The following TUSC3 variants were observed in gnomAD, a reference collection of about 807,000 sequenced individuals.
TUSC3 encodes tumor suppressor candidate 3, also known as dolichyl-diphosphooligosaccharide--protein glycosyltransferase subunit TUSC3.
A neutral mutation model predicts 44.8 loss-of-function variants in TUSC3; 45 were observed. The ratio of observed to expected loss-of-function variants is 1.00; its 90% CI spans 0.79 to 1.29. TUSC3 has a LOEUF of 1.29. Ranked by LOEUF, TUSC3 falls within the 50% of genes most tolerant of loss-of-function variation. TUSC3 has a pLI of 0.00. For missense variants in TUSC3, 519 were observed against 437.9 expected, an observed-to-expected ratio of 1.19 and a Z score of -1.65; for synonymous variants, 212 against 152.9, an observed-to-expected ratio of 1.39 and a Z score of -2.85.
chr8:15,656,203 C>G (rs1035462901), intron 3 of TUSC3, among the ~76,000 whole-genome samples: 1 of 152,082 alleles, frequency 6.6e-6, no homozygotes, highest in African/African-American at 2.4e-5. Context: ...AGAATACATT[C>G]ATTTTGTCCC....
chr8:15,801,180 T>C, the TUSC3 span, among the ~76,000 whole-genome samples: 3 of 152,230 alleles, frequency 2.0e-5, no homozygotes, highest in African/African-American at 7.2e-5. Flanking sequence ...TTCTTGATTA[T>C]ATGCTAAACA....
chr8:15,589,555 G>C (rs752550604), intron 1 of TUSC3, among the ~76,000 whole-genome samples: 20 of 152,078 alleles, frequency 1.3e-4, no homozygotes, highest in Non-Finnish European at 2.6e-4. Flanking sequence ...TGTTAAATTT[G>C]CCTTGAGATA....
the TUSC3 span, among the ~76,000 whole-genome samples, chr8:15,849,442 T>C: frequency 6.6e-6 from 1 of 152,088 alleles, no homozygotes; most frequent in African/African-American, 2.4e-5. Flanking sequence ...AGCAACGAAG[T>C]TTCCACATGG....
chr8:15,593,906 T>C (rs17657921), intron 1 of TUSC3, among the ~76,000 whole-genome samples: 34,117 of 152,050 alleles, frequency 0.22, 3,981 homozygotes, highest in East Asian at 0.45. Flanking sequence ...GAGGATCTGC[T>C]ATAAGCATTA....
chr8:15,503,069 C>T (rs1800990773), intron 2 of TUSC3, among the ~76,000 whole-genome samples: 1 of 152,146 alleles, frequency 6.6e-6, no homozygotes, highest in Non-Finnish European at 1.5e-5. Context: ...CACTTTCCCG[C>T]CATTTATATG....
intron 1 of TUSC3, among the ~76,000 whole-genome samples, chr8:15,556,429 G>C (rs1802268456): frequency 6.6e-6 from 1 of 151,394 alleles, no homozygotes; most frequent in Admixed American, 6.6e-5. Flanking sequence ...TTGGTTCCAA[G>C]TCTTTGCTGT....
the TUSC3 span, among the ~76,000 whole-genome samples, chr8:15,782,083 C>A: frequency 6.6e-6 from 1 of 152,090 alleles, no homozygotes; most frequent in Non-Finnish European, 1.5e-5. Flanking sequence ...GACAGTGAGC[C>A]GAGATCGTGC....
chr8:15,726,028 A>G (rs1291731475), intron 6 of TUSC3, among the ~76,000 whole-genome samples: 1 of 152,178 alleles, frequency 6.6e-6, no homozygotes, highest in African/African-American at 2.4e-5. Context: ...CTTTTGGTCC[A>G]CCATAGCCAT....
chr8:15,448,315 C>T (rs1800138509), intron 1 of TUSC3, among the ~76,000 whole-genome samples: 1 of 151,622 alleles, frequency 6.6e-6, no homozygotes, highest in Admixed American at 6.6e-5. Flanking sequence ...GATGAGGTTT[C>T]ACCACATTGG....
Position 15,743,471 on chromosome 8 carries a change from C to G in TUSC3, c.863-67C>G, listed in dbSNP as rs548778459. 32 of 1,525,054 alleles carry G rather than the reference C, an allele frequency of 2.1e-5. No homozygotes were observed. In the East Asian group the frequency reaches 3.4e-4, roughly 16 times the overall value. The allele number at this position is 1,525,054 out of a possible 1,614,324, so 94.5% of individuals were successfully genotyped here. On this transcript the variant is annotated intron_variant, in intron 7 of 10. Transcript: ENST00000503731. ...TTTAACCATTCTGGAACATTGTGTT[C>G]AGAGCCAGAAAAATTAATAGATTTT...
chr8:15,517,522 CAAAAAAAAAAAAAAAAAAAAAAAAA>C (rs71211049), intron 2 of TUSC3, among the ~76,000 whole-genome samples: 2 of 77,554 alleles, frequency 2.6e-5, no homozygotes, highest in Non-Finnish European at 4.1e-5. Context: ...TAGCGTGAGG[CAAAAAAAAAAAAAAAAAAAAAAAAA>C]AAAAAAAAAG....
chr8:15,805,974 A>C, the TUSC3 span, among the ~76,000 whole-genome samples: 395 of 152,294 alleles, frequency 2.6e-3, 1 homozygote, highest in Non-Finnish European at 4.4e-3. Context: ...TTACAAAAAC[A>C]AAAAATCAGT....
chr8:15,850,571 TC>T, the TUSC3 span, among the ~76,000 whole-genome samples: 1 of 152,146 alleles, frequency 6.6e-6, no homozygotes, highest in Non-Finnish European at 1.5e-5. Flanking sequence ...CTCATCTCTT[TC>T]CCCTATTTGT....
At chr8:15,451,252 A>G (rs1025421347) in intron 1 of TUSC3, among the ~76,000 whole-genome samples, 1 of 152,156 alleles carries the variant, frequency 6.6e-6, no homozygotes, top group Non-Finnish European at 1.5e-5. Flanking sequence ...GTTTCCTGGC[A>G]TACAGCTCCT....
chr8:15,451,699 A>G (rs954016401), intron 1 of TUSC3, among the ~76,000 whole-genome samples: 5 of 152,144 alleles, frequency 3.3e-5, no homozygotes, highest in African/African-American at 9.7e-5. Context: ...CTTTAGGACA[A>G]AAGCACAGGT....
In TUSC3 at chr8:15,540,492, C is replaced by T; in HGVS notation, c.62C>T (p.Pro21Leu). 2 of 1,608,576 alleles carry T rather than the reference C, an allele frequency of 1.2e-6. No homozygotes were observed. The highest frequency in any genetic ancestry group is 2.2e-5 in the South Asian group (2 of 90,504). Residue 21 changes from proline (P) to leucine (L), a missense_variant, in exon 1 of 11, where the codon CCC becomes CTC. Coordinates refer to ENST00000503731, the MANE Select transcript of TUSC3 (RefSeq NM_006765.4). ...RQAGRRLRYL[P>L]TGSFPFLLLL... ...GCGGGGCGGCGGCTGCGGTACCTGC[C>T]CACCGGGAGCTTTCCCTTCCTTCTC...
chr8:15,638,149 G>T (rs1464743708), intron 2 of TUSC3, among the ~76,000 whole-genome samples: 1 of 151,944 alleles, frequency 6.6e-6, no homozygotes, highest in African/African-American at 2.4e-5. Context: ...TCTTTCTTGG[G>T]GTGATTCCCA....
At chr8:15,750,502 G>GT (rs1811650778) in intron 9 of TUSC3, among the ~76,000 whole-genome samples, 1 of 151,096 alleles carries the variant, frequency 6.6e-6, no homozygotes, top group Admixed American at 6.6e-5. Flanking sequence ...GATAGGAAGA[G>GT]TTTAAGTTTG....
chr8:15,825,676 C>A, the TUSC3 span, among the ~76,000 whole-genome samples: 1,745 of 152,194 alleles, frequency 0.011, 32 homozygotes, highest in East Asian at 0.076. Context: ...ACAGAACATA[C>A]ATACAAATAA....
Sources: gnomAD v4.1 joint callset for allele counts (sites outside exome capture counted in the v4.1 genomes callset) on GRCh38, gnomAD v4.1.1 for gene constraint, MANE v1.5 for transcripts, NCBI Gene and HGNC (gene_info 2026-07-23, HGNC 2026-07-21) for gene names.